The following SLC6A18 variants were observed in gnomAD, a reference collection of about 807,000 sequenced individuals.
SLC6A18 encodes solute carrier family 6 member 18.
In SLC6A18, 58 loss-of-function variants were observed where a neutral mutation model predicts 62.9. The observed-to-expected ratio is 0.92, with a 90% CI of 0.75 to 1.15. SLC6A18 has a LOEUF of 1.15. SLC6A18 is among the 50% of genes most tolerant of loss of function. SLC6A18 has a pLI of 0.00. For missense variants in SLC6A18, 793 were observed against 836.6 expected (o/e 0.95, Z 0.64); for synonymous variants, 382 against 365.8 (o/e 1.04, Z -0.51).
rs977429662 is a variant in SLC6A18 at position 1,241,069 on chromosome 5, G to A, written c.974+410G>A. Among the ~76,000 whole-genome samples, 57 of 152,156 alleles carry A rather than the reference G, an allele frequency of 3.7e-4. No homozygotes were observed. Among genetic ancestry groups the A allele is most frequent in the African/African-American group, 1.2e-3 (50 of 41,430 alleles). ...TCTCCCGTGCAGGCTCAGGAGGGGC[G>A]CGGCCTGGCCACACTGGGATTTCAG... On this transcript the variant is annotated intron_variant, in intron 7 of 11. Coordinates refer to ENST00000324642, the MANE Select transcript of SLC6A18 (RefSeq NM_182632.3). The surrounding 1 kb of genome is among the most constrained non-coding windows in gnomAD (Gnocchi z 7.8).
chr5:1,233,124 C>T lies in SLC6A18; in HGVS notation c.439+236C>T, dbSNP rs191318119. On this transcript the variant is annotated intron_variant, in intron 3 of 11. Coordinates refer to ENST00000324642, the MANE Select transcript of SLC6A18 (RefSeq NM_182632.3). ...TGCTTCCCTGCCAGGTCCGGACCACCGAGGTCCCCTTGCAGCCATGTGCAT... is the reference window on the plus strand; with the variant it reads ...TGCTTCCCTGCCAGGTCCGGACCACTGAGGTCCCCTTGCAGCCATGTGCAT... Among the ~76,000 whole-genome samples, 50 of 152,358 alleles carry T rather than the reference C, an allele frequency of 3.3e-4. No homozygotes were observed. In the East Asian group the frequency reaches 8.1e-3, roughly 25 times the overall value.
intron 3 of SLC6A18, 59 bp downstream of exon 3, chr5:1,232,947 C>T: frequency 6.5e-7 from 1 of 1,545,310 alleles, no homozygotes; most frequent in South Asian, 1.2e-5. Flanking sequence ...GCATGTGCTG[C>T]AGCGTGTCCA....
chr5:1,239,185 A>T (rs1274707017), intron 5 of SLC6A18, among the ~76,000 whole-genome samples: 2 of 152,096 alleles, frequency 1.3e-5, no homozygotes, highest in African/African-American at 4.8e-5. Context: ...GCCCCAAAAA[A>T]CCTGCCAGCT....
chr5:1,244,184 A>AAAC, intron 9 of SLC6A18, 30 bp from the exon 10 acceptor site: 3 of 752,208 alleles, frequency 4.0e-6, no homozygotes, highest in Non-Finnish European at 5.5e-6. Flanking sequence ...CCATCCCCTT[A>AAAC]CCCCCCACAC....
chr5:1,231,193 C>G (rs1368301911), intron 1 of SLC6A18, among the ~76,000 whole-genome samples: 1 of 152,192 alleles, frequency 6.6e-6, no homozygotes, highest in Non-Finnish European at 1.5e-5. Context: ...GGCCCTGGCA[C>G]CTTGTCTGCC....
In SLC6A18 at chr5:1,246,046, A is replaced by ACGGACATGCGCC; in HGVS notation, c.1862_1873dup (p.Met621_Asp624dup). ...CCCGGACACGGACACGCGCCCAGAC[A>ACGGACATGCGCC]CGGACATGCGCCCGGACACGGACAT... On this transcript the variant is annotated inframe_insertion, in exon 12 of 12. Coordinates refer to ENST00000324642, the MANE Select transcript of SLC6A18 (RefSeq NM_182632.3). 1.3e-6 allele frequency: 2 copies of ACGGACATGCGCC among 1,589,930 alleles called. No individual in the cohort carries two copies. The highest frequency in any genetic ancestry group is 2.7e-5 in the African/African-American group (2 of 73,750).
In SLC6A18 at chr5:1,243,509, AGT is replaced by A. The variant is rs754142878; in HGVS notation, c.1132-36_1132-35del. ...GCAGGCAGGCGTGTGTGTGTGGTGGAGTGTGTGTGTGCGTGGCCTGAAGCCCG... is the reference window on the plus strand; with the variant it reads ...GCAGGCAGGCGTGTGTGTGTGGTGGAGTGTGTGTGCGTGGCCTGAAGCCCG... On this transcript the variant is annotated intron_variant, in intron 8 of 11. Transcript: ENST00000324642. The surrounding 1 kb of genome is among the most constrained non-coding windows in gnomAD (Gnocchi z 6.5). 7.0e-6 allele frequency: 11 copies of A among 1,566,988 alleles called. No individual in the cohort carries two copies. Among genetic ancestry groups the A allele is most frequent in the Middle Eastern group, 1.9e-4 (1 of 5,294 alleles).
intron 3 of SLC6A18, among the ~76,000 whole-genome samples, chr5:1,233,803 GCTA>G (rs1425490675): frequency 6.6e-6 from 1 of 151,118 alleles, no homozygotes; most frequent in Non-Finnish European, 1.5e-5. Context: ...GTGCAGTGGT[GCTA>G]TCTTGGCTCA....
intron 1 of SLC6A18, among the ~76,000 whole-genome samples, chr5:1,231,637 G>A (rs538377405): frequency 6.6e-6 from 1 of 152,230 alleles, no homozygotes; most frequent in African/African-American, 2.4e-5. Flanking sequence ...GAGCCAACAG[G>A]CGACCTCACA....
chr5:1,241,182 C>T lies in SLC6A18; in HGVS notation c.974+523C>T, dbSNP rs1258349723. Among the ~76,000 whole-genome samples, 1 of 152,202 alleles carries T rather than the reference C, an allele frequency of 6.6e-6. No homozygotes were observed. Among genetic ancestry groups the T allele is most frequent in the Non-Finnish European group, 1.5e-5 (1 of 68,034 alleles). The stretch of plus-strand genomic sequence containing the variant: ...TCGTTTGCTGCGGTGGTCCCAGGAC[C>T]TGATGCAGTTAGGTTGTCCCCTGCA... On this transcript the variant is annotated intron_variant, in intron 7 of 11. Transcript: ENST00000324642. The surrounding 1 kb of genome is among the most constrained non-coding windows in gnomAD (Gnocchi z 7.8).
At chr5:1,231,777 G>A (rs1420315683) in intron 1 of SLC6A18, among the ~76,000 whole-genome samples, 1 of 152,176 alleles carries the variant, frequency 6.6e-6, no homozygotes, top group Non-Finnish European at 1.5e-5. Context: ...CCCATGGGGA[G>A]GCTGATGGCA....
intron 9 of SLC6A18, 88 bp from the exon 10 acceptor site, chr5:1,244,126 A>T: frequency 4.3e-6 from 5 of 1,154,268 alleles, no homozygotes; most frequent in Non-Finnish European, 6.2e-6. Context: ...GTCCGAGGGC[A>T]GGTCTGCCTG....
At chr5:1,232,180 C>T (rs1237814824) in intron 1 of SLC6A18, 39 bp from the exon 2 acceptor site, 13 of 1,591,606 alleles carry the variant, frequency 8.2e-6, no homozygotes, top group African/African-American at 2.7e-5. Context: ...CCCCCCAGCC[C>T]CCGACCCTGG....
Position 1,244,681 on chromosome 5 carries a change from A to C in SLC6A18, c.1570A>C (p.Ser524Arg). The C allele has an allele frequency of 6.2e-7, 1 of 1,613,062 alleles. No homozygotes were observed. Among genetic ancestry groups the C allele is most frequent in the Non-Finnish European group, 8.5e-7 (1 of 1,179,276 alleles). ...PYWRLTWRVV[S>R]PLLLTIFVAY... ...CTGGCGGCTGACCTGGAGGGTGGTC[A>C]GTCCCCTGCTGCTGACCATCTTTGT... Residue 524 changes from serine to arginine, a missense_variant, in exon 11 of 12, where the codon AGT (serine) becomes CGT (arginine). By Grantham distance (110) the Ser-to-Arg change is moderately radical (BLOSUM62 -1). Transcript: ENST00000324642.
intron 3 of SLC6A18, among the ~76,000 whole-genome samples, chr5:1,233,923 A>G (rs1746811450): frequency 6.6e-6 from 1 of 152,018 alleles, no homozygotes; most frequent in Non-Finnish European, 1.5e-5. Flanking sequence ...TTGTATTTTT[A>G]GTAGAGACGG....
intron 1 of SLC6A18, among the ~76,000 whole-genome samples, chr5:1,229,993 A>G (rs79563571): frequency 0.28 from 17,641 of 63,842 alleles, 1,756 homozygotes; most frequent in Middle Eastern, 0.43. Context: ...AAGAAGGGCT[A>G]TCATGGTGCA....
intron 1 of SLC6A18, among the ~76,000 whole-genome samples, chr5:1,228,120 CTT>C (rs59438556): frequency 1.5e-4 from 23 of 151,314 alleles, no homozygotes; most frequent in African/African-American, 5.6e-4. Flanking sequence ...AGAGCAAGGC[CTT>C]TTTTTTTTAT....
rs1222938597 is a variant in SLC6A18, at chr5:1,238,392, AGGT to A, written c.732+333_732+335del. On this transcript the variant is annotated intron_variant, in intron 5 of 11. Transcript: ENST00000324642. ...GAGTGGGCCTGGGGCCTCAGGAAAGAGGTCAGGTTTGGAGTGGGCCTGGGGCCT... is the reference window on the plus strand; with the variant it reads ...GAGTGGGCCTGGGGCCTCAGGAAAGACAGGTTTGGAGTGGGCCTGGGGCCT... Among the ~76,000 whole-genome samples, 3 of 76,496 alleles carry A rather than the reference AGGT, an allele frequency of 3.9e-5. 1 individual carries two copies. The highest frequency in any genetic ancestry group is 6.6e-5 in the Non-Finnish European group (3 of 45,784). The allele number at this position is 76,496 out of a possible 152,430, so 50.2% of individuals were successfully genotyped here.
Position 1,232,299 on chromosome 5 carries a change from C to T in SLC6A18, c.241C>T (p.Arg81Trp), listed in dbSNP as rs770245785. The change falls in exon 2 of 12, where the codon CGG becomes TGG. Residue 81 changes from arginine to tryptophan, a missense_variant. Coordinates refer to ENST00000324642, the MANE Select transcript of SLC6A18 (RefSeq NM_182632.3). ...CCACGTCGAGCTCGCCATCGGCCAGCGGCTGCGGAAGGGCAGCGTCGGCGT... is the reference window on the plus strand; with the variant it reads ...CCACGTCGAGCTCGCCATCGGCCAGTGGCTGCGGAAGGGCAGCGTCGGCGT... The part of the protein sequence containing the change: ...IFHVELAIGQ[R>W]LRKGSVGVWT... The T allele has an allele frequency of 5.0e-6, 8 of 1,612,404 alleles. No individual in the cohort carries two copies. The Admixed American group carries it at 1.0e-4, about 20-fold the overall frequency.
Sources: allele counts gnomAD v4.1 joint callset (sites outside exome capture counted in the v4.1 genomes callset), GRCh38; gene constraint gnomAD v4.1.1; non-coding constraint Gnocchi (gnomAD v3.1); transcripts MANE v1.5; gene names NCBI Gene and HGNC (gene_info 2026-07-23, HGNC 2026-07-21).